Variants in NLK observed in about 807,000 individuals in gnomAD.
NLK encodes serine/threonine-protein kinase NLK.
A neutral mutation model predicts 59.0 loss-of-function variants in NLK; 11 were observed. The observed-to-expected ratio is 0.19, with a 90% CI of 0.12 to 0.31. NLK has a LOEUF of 0.31. NLK is among the 10% of genes least tolerant of loss of function. NLK has a pLI of 1.00. For synonymous variants in NLK, 235 were observed against 235.9 expected (o/e 1.00, Z 0.03); for missense variants, 410 against 661.1 (o/e 0.62, Z 4.16).
At chr17:28,117,191 T>A (rs952365147) in intron 1 of NLK, among the ~76,000 whole-genome samples, 3 of 152,154 alleles carry the variant, frequency 2.0e-5, no homozygotes, top group African/African-American at 4.8e-5. Flanking sequence ...AGTCTCTGTA[T>A]CTCCCCAGCA....
intron 1 of NLK, among the ~76,000 whole-genome samples, chr17:28,057,484 C>A (rs917604867): frequency 6.6e-6 from 1 of 152,126 alleles, no homozygotes; most frequent in Non-Finnish European, 1.5e-5. Context: ...CAGTGTAAAT[C>A]AAATGTGTAA....
At chr17:28,138,845 T>C (rs974823379) in intron 3 of NLK, among the ~76,000 whole-genome samples, 3 of 152,232 alleles carry the variant, frequency 2.0e-5, no homozygotes, top group African/African-American at 7.2e-5. Flanking sequence ...ATAAAGTAGG[T>C]ACAAAATAAA....
At chr17:28,102,409 G>A (rs1390838258) in intron 1 of NLK, among the ~76,000 whole-genome samples, 1 of 152,092 alleles carries the variant, frequency 6.6e-6, no homozygotes, top group African/African-American at 2.4e-5. Context: ...CCAGCACTTC[G>A]GGAGGCTGAG....
rs1320027346 is a variant in NLK, at chr17:28,185,386, A to G, written c.1236+121A>G. 7.1e-5 allele frequency: 44 copies of G among 615,754 alleles called. No individual in the cohort carries two copies. The South Asian group carries it at 8.1e-4, about 11-fold the overall frequency. 38.1% of individuals were successfully genotyped at this position (615,754 alleles called of 1,614,324 possible). A position where few individuals can be genotyped will look rare whatever the true frequency, so the allele number is the denominator to read the frequency against. On this transcript the variant is annotated intron_variant, in intron 8 of 10. Coordinates refer to ENST00000407008, the MANE Select transcript of NLK (RefSeq NM_016231.5). ...ATTACTTTTCAGAATATAAACTTCA[A>G]TCCCCAGTATCATGTGTATCATGCA...
chr17:28,074,306 A>G (rs1256058919), intron 1 of NLK, among the ~76,000 whole-genome samples: 2 of 151,368 alleles, frequency 1.3e-5, no homozygotes, highest in Non-Finnish European at 2.9e-5. Flanking sequence ...AAACCTGCAC[A>G]TCCTGCACAT....
At chr17:28,148,456 A>C (rs1203517115) in intron 3 of NLK, among the ~76,000 whole-genome samples, 1 of 152,242 alleles carries the variant, frequency 6.6e-6, no homozygotes, top group Admixed American at 6.5e-5. Context: ...ATTTGACTAA[A>C]GAAGGGTAAG....
chr17:28,173,761 C>A (rs1416451967), intron 7 of NLK, among the ~76,000 whole-genome samples: 1 of 152,158 alleles, frequency 6.6e-6, no homozygotes, highest in Non-Finnish European at 1.5e-5. Context: ...CTATTATGTT[C>A]CATTTATTGG....
chr17:28,096,660 T>A (rs1904711531), intron 1 of NLK, among the ~76,000 whole-genome samples: 1 of 152,172 alleles, frequency 6.6e-6, no homozygotes, highest in South Asian at 2.1e-4. Context: ...CCCTTGTGCA[T>A]ATTGAAGACA....
chr17:28,143,547 T>G (rs1247230023), intron 3 of NLK, among the ~76,000 whole-genome samples: 2 of 152,356 alleles, frequency 1.3e-5, no homozygotes, highest in Admixed American at 1.3e-4. Flanking sequence ...TTTTCAAAGC[T>G]TTCTGTCCAT....
chr17:28,191,273 T>C lies in NLK; in HGVS notation c.1435+54T>C, dbSNP rs547042861. On this transcript the variant is annotated intron_variant, in intron 9 of 10. Transcript: ENST00000407008. ...GCAATATGCCTAGTAACATTTTCCA[T>C]TAGGTGGCCATGAAGAGCTGAGATC... 7 of 1,402,658 alleles carry C rather than the reference T, an allele frequency of 5.0e-6. No homozygotes were observed. The Admixed American group carries it at 1.7e-4, about 33-fold the overall frequency. 86.9% of individuals were successfully genotyped at this position (1,402,658 alleles called of 1,614,324 possible).
At chr17:28,080,184 G>A (rs1394861496) in intron 1 of NLK, among the ~76,000 whole-genome samples, 1 of 152,072 alleles carries the variant, frequency 6.6e-6, no homozygotes, top group Non-Finnish European at 1.5e-5. Flanking sequence ...AGGCACCGTC[G>A]CTCATGTCTG....
chr17:28,100,947 G>T (rs1242750440), intron 1 of NLK, among the ~76,000 whole-genome samples: 1 of 152,088 alleles, frequency 6.6e-6, no homozygotes, highest in East Asian at 1.9e-4. Flanking sequence ...TCTGGCCAAC[G>T]TTGAAGTTGT....
At chr17:28,185,391 C>T in intron 8 of NLK, 126 bp downstream of exon 8, 2 of 603,650 alleles carry the variant, frequency 3.3e-6, no homozygotes, top group Non-Finnish European at 5.7e-6. Context: ...CTTCAATCCC[C>T]AGTATCATGT....
intron 7 of NLK, among the ~76,000 whole-genome samples, chr17:28,174,877 T>TTGGCC (rs1908609889): frequency 6.6e-6 from 1 of 152,138 alleles, no homozygotes. Context: ...GTGCCTCTTG[T>TTGGCC]TGGCCTATTA....
chr17:28,060,919 C>A (rs1909611719), intron 1 of NLK, among the ~76,000 whole-genome samples: 1 of 152,168 alleles, frequency 6.6e-6, no homozygotes, highest in South Asian at 2.1e-4. Context: ...TAAGGATGTT[C>A]ATTTACTGTT....
At position 28,095,266 on chromosome 17, in the gene NLK, T is replaced by C. The variant is rs1240815652; in HGVS notation, c.459-27337T>C. Among the ~76,000 whole-genome samples, 3 of 152,262 alleles carry C rather than the reference T, an allele frequency of 2.0e-5. No individual in the cohort carries two copies. The South Asian group carries it at 6.2e-4, about 32-fold the overall frequency. On this transcript the variant is annotated intron_variant, in intron 1 of 10. Coordinates refer to ENST00000407008, the MANE Select transcript of NLK (RefSeq NM_016231.5). ...TTATCCCCATATTTCCCCTCTGTAG[T>C]GCAGTACCCCCTCAAGCTGGGAGGG...
chr17:28,185,349 G>A (rs1909074920), intron 8 of NLK, 84 bp downstream of exon 8: 2 of 818,324 alleles, frequency 2.4e-6, no homozygotes, highest in South Asian at 1.8e-5. Flanking sequence ...GAATAGATTG[G>A]CAATGTAAAT....
chr17:28,176,100 T>A (rs1908666496), intron 7 of NLK, among the ~76,000 whole-genome samples: 2 of 152,170 alleles, frequency 1.3e-5, no homozygotes, highest in South Asian at 4.1e-4. Context: ...GAAATAAAAA[T>A]GTGTGCACAC....
rs1402929536 is a variant in NLK, at chr17:28,043,269, A to G, written c.396A>G (p.Pro132=). The G allele has an allele frequency of 2.5e-6, 4 of 1,611,940 alleles. No homozygotes were observed. The highest frequency in any genetic ancestry group is 1.7e-6 in the Non-Finnish European group (2 of 1,178,996). ...KAHHHQHSHH[P]QQQLDIEPDR... ...ACCATCATCAGCACTCGCATCATCC[A>G]CAGCAGCAGCTGGATATTGAGCCGG... The change falls in exon 1 of 11, where the codon CCA becomes CCG. Residue 132 remains proline, a synonymous_variant. Transcript: ENST00000407008.
Sources: gnomAD v4.1 joint callset for allele counts (sites outside exome capture counted in the v4.1 genomes callset) on GRCh38, gnomAD v4.1.1 for gene constraint, MANE v1.5 for transcripts, NCBI Gene and HGNC (gene_info 2026-07-23, HGNC 2026-07-21) for gene names.